Variants in TTLL6 observed in about 807,000 individuals in gnomAD.
TTLL6 encodes tubulin polyglutamylase TTLL6.
A neutral mutation model predicts 96.4 loss-of-function variants in TTLL6; 75 were observed. The observed-to-expected ratio is 0.78, with a 90% CI of 0.65 to 0.94. The LOEUF (loss-of-function observed/expected upper bound fraction) is 0.94, where lower values mean the gene tolerates loss of function less well. Among genes scored for constraint, TTLL6 ranks in the 40% least tolerant of loss-of-function variants. TTLL6 has a pLI of 0.00. For synonymous variants in TTLL6, 411 were observed against 419.4 expected (o/e 0.98, Z 0.24); for missense variants, 1,030 against 1,093.0 (o/e 0.94, Z 0.81).
intron 1 of TTLL6, among the ~76,000 whole-genome samples, chr17:48,816,081 A>G (rs1297902597): frequency 6.6e-6 from 1 of 152,210 alleles, no homozygotes; most frequent in Non-Finnish European, 1.5e-5. Context: ...TGTTTTAAAG[A>G]TTAAATGAGT....
intron 13 of TTLL6, among the ~76,000 whole-genome samples, chr17:48,774,572 G>A (rs1263849681): frequency 6.6e-6 from 1 of 151,992 alleles, no homozygotes; most frequent in Non-Finnish European, 1.5e-5. Context: ...GAATGAAAAA[G>A]AGGGTATCAC....
rs768645521 is a variant in TTLL6 at position 48,785,211 on chromosome 17, G to A, written c.1762-10C>T. 1 of 1,613,896 alleles carries A rather than the reference G, an allele frequency of 6.2e-7. No homozygotes were observed. ...TCAATGGCTGGATGTACTGAGGGAG[G>A]AAGAAACCACAACACACAGCCATGG... is the stretch of plus-strand genomic sequence containing the variant. On this transcript the variant is annotated splice_polypyrimidine_tract_variant and intron_variant, in intron 12 of 15. Coordinates refer to ENST00000393382, the MANE Select transcript of TTLL6 (RefSeq NM_001130918.3).
chr17:48,780,168 G>A (rs995906540), intron 13 of TTLL6, among the ~76,000 whole-genome samples: 106 of 151,906 alleles, frequency 7.0e-4, no homozygotes, highest in African/African-American at 2.3e-3. Flanking sequence ...ATTTTGAGAC[G>A]GAGTTTTGCT....
In TTLL6 at chr17:48,762,478, C is replaced by CCT. The variant is rs1447255693; in HGVS notation, c.*494_*495dup. On this transcript the variant is annotated 3_prime_UTR_variant, in exon 16 of 16. Transcript: ENST00000393382. Reference sequence around the variant, plus strand: ...CCTTGACCTTGTGAAGTTGCAGCTGCCTCAGTTCTCTCACTCAGGGCTCAG... The same window carrying CCT: ...CCTTGACCTTGTGAAGTTGCAGCTGCCTCTCAGTTCTCTCACTCAGGGCTCAG... 6.5e-6 allele frequency: 1 copy of CCT among 153,288 alleles called. No homozygotes were observed. Among genetic ancestry groups the CCT allele is most frequent in the Admixed American group, 6.5e-5 (1 of 15,362 alleles). The allele number at this position is 153,288 out of a possible 1,614,324, so 9.5% of individuals were successfully genotyped here. A position where few individuals can be genotyped will look rare whatever the true frequency, so the allele number is the denominator to read the frequency against.
chr17:48,791,732 A>C (rs73985901), intron 8 of TTLL6, 129 bp from the exon 9 acceptor site: 31,973 of 718,146 alleles, frequency 0.045, 1,281 homozygotes, highest in South Asian at 0.13. Flanking sequence ...ACGCCCAGGA[A>C]CCAGGGTGAC....
In TTLL6 at chr17:48,791,443, C is replaced by T. The variant is rs771753463; in HGVS notation, c.1159G>A (p.Ala387Thr). 2.6e-5 allele frequency: 42 copies of T among 1,614,008 alleles called. No individual in the cohort carries two copies. In the Admixed American group the frequency reaches 5.3e-4, roughly 20 times the overall value. The change falls in exon 9 of 16, where the codon GCC becomes ACC. Residue 387 changes from alanine (A) to threonine (T), a missense_variant. Transcript: ENST00000393382. ...TCAAAGCCCAGGATCTCAAAGCAGG[C>T]GCTGTTGAGTGTGTGGTTGGGGAAG... ...TCFPNHTLNS[A>T]CFEILGFDIL...
At chr17:48,799,202 C>T (rs1233174419) in intron 6 of TTLL6, among the ~76,000 whole-genome samples, 1 of 152,172 alleles carries the variant, frequency 6.6e-6, no homozygotes, top group African/African-American at 2.4e-5. Flanking sequence ...TCAGTGTGTC[C>T]CCCTCTGTCC....
chr17:48,814,318 C>CAAAAAA (rs398030988), intron 1 of TTLL6, among the ~76,000 whole-genome samples: 10 of 52,854 alleles, frequency 1.9e-4, no homozygotes, highest in African/African-American at 3.4e-4. Flanking sequence ...GACAGTGTCT[C>CAAAAAA]AAAAAAAAAA....
chr17:48,804,870 T>C lies in TTLL6; in HGVS notation c.225A>G (p.Lys75=). ...TCACAAAAGCCAGCGCGACGGTTTCTTTTGGATCTTCTTTGGAACTGTCCC... is the reference window on the plus strand; with the variant it reads ...TCACAAAAGCCAGCGCGACGGTTTCCTTTGGATCTTCTTTGGAACTGTCCC... The part of the protein sequence containing the change: ...EKGDSSKEDP[K]ETVALAFVRE... The change falls in exon 2 of 16, where the codon AAA becomes AAG. Residue 75 remains lysine (K), a synonymous_variant. Coordinates refer to ENST00000393382, the MANE Select transcript of TTLL6 (RefSeq NM_001130918.3). 1 of 1,552,360 alleles carries C rather than the reference T, an allele frequency of 6.4e-7. No individual in the cohort carries two copies. The highest frequency in any genetic ancestry group is 8.7e-7 in the Non-Finnish European group (1 of 1,147,132).
chr17:48,768,025 G>A (rs1288130639), intron 15 of TTLL6, among the ~76,000 whole-genome samples: 1 of 152,178 alleles, frequency 6.6e-6, no homozygotes. Flanking sequence ...TTAGCCATAA[G>A]TGGAAGACAA....
chr17:48,774,096 C>CAAAAAA (rs1286139436), intron 13 of TTLL6, among the ~76,000 whole-genome samples: 1 of 44,250 alleles, frequency 2.3e-5, no homozygotes, highest in East Asian at 8.1e-4. Context: ...AAAAACAAAA[C>CAAAAAA]AAAAAAAAAA....
intron 13 of TTLL6, among the ~76,000 whole-genome samples, chr17:48,779,959 C>T (rs1597970396): frequency 6.6e-6 from 1 of 151,994 alleles, no homozygotes; most frequent in East Asian, 1.9e-4. Context: ...AGGAAACTTT[C>T]TGGAGATATC....
intron 10 of TTLL6, among the ~76,000 whole-genome samples, chr17:48,788,669 G>C (rs2039157079): frequency 6.6e-6 from 1 of 152,128 alleles, no homozygotes. Context: ...AGACTCACTG[G>C]GCTCTGGGTC....
intron 13 of TTLL6, among the ~76,000 whole-genome samples, chr17:48,777,770 G>T (rs1300697465): frequency 6.6e-6 from 1 of 152,004 alleles, no homozygotes; most frequent in Admixed American, 6.6e-5. Flanking sequence ...AATTAGCCGG[G>T]CATGGTGGTG....
At chr17:48,779,281 G>A (rs899729197) in intron 13 of TTLL6, among the ~76,000 whole-genome samples, 2 of 150,054 alleles carry the variant, frequency 1.3e-5, no homozygotes, top group East Asian at 3.9e-4. Context: ...TTGAACCCGG[G>A]AGGCTGAGGT....
At chr17:48,774,096 C>CAAAAAAAAAAAAAAAAAAAAA (rs1286139436) in intron 13 of TTLL6, among the ~76,000 whole-genome samples, 8 of 44,174 alleles carry the variant, frequency 1.8e-4, no homozygotes, top group East Asian at 8.2e-4. Flanking sequence ...AAAAACAAAA[C>CAAAAAAAAAAAAAAAAAAAAA]AAAAAAAAAA....
At chr17:48,808,523 A>T (rs1360619245) in intron 1 of TTLL6, among the ~76,000 whole-genome samples, 3 of 152,112 alleles carry the variant, frequency 2.0e-5, no homozygotes, top group Non-Finnish European at 4.4e-5. Flanking sequence ...CCAGAGCCCC[A>T]CAATCTCTTG....
Position 48,785,155 on chromosome 17 carries a change from A to C in TTLL6, c.1808T>G (p.Leu603Trp), listed in dbSNP as rs2039065919. The change falls in exon 13 of 16, where the codon TTG becomes TGG. Residue 603 changes from leucine (L) to tryptophan (W), a missense_variant. Physicochemically the swap from Leu to Trp is moderately conservative, Grantham distance 61. Transcript: ENST00000393382. Reference protein sequence around the residue: ...TLVSYTPDLLLSVRGERKNET... With the variant: ...TLVSYTPDLLWSVRGERKNET... Reference sequence around the variant, plus strand: ...ATTTTTCCTTTCACCTCTGACACTCAAGAGCAAGTCAGGTGTGTAGGATAC... The same window carrying C: ...ATTTTTCCTTTCACCTCTGACACTCCAGAGCAAGTCAGGTGTGTAGGATAC... The C allele has an allele frequency of 6.2e-7, 1 of 1,614,052 alleles. No individual in the cohort carries two copies. The highest frequency in any genetic ancestry group is 1.1e-5 in the South Asian group (1 of 91,088).
At chr17:48,812,539 G>A (rs1158010479) in intron 1 of TTLL6, among the ~76,000 whole-genome samples, 2 of 152,312 alleles carry the variant, frequency 1.3e-5, no homozygotes, top group East Asian at 3.9e-4. Flanking sequence ...CAGTTATGGA[G>A]ATTAAATGAG....
Sources: allele counts gnomAD v4.1 joint callset (sites outside exome capture counted in the v4.1 genomes callset), GRCh38; gene constraint gnomAD v4.1.1; transcripts MANE v1.5; gene names NCBI Gene and HGNC (gene_info 2026-07-23, HGNC 2026-07-21).